The following DTNB variants were observed in gnomAD, a reference collection of about 807,000 sequenced individuals.
DTNB encodes the protein dystrobrevin beta.
DTNB carries 63 observed loss-of-function variants against 90.7 expected under a neutral mutation model. That is an observed-to-expected ratio of 0.69 (90% confidence interval 0.57 to 0.86). The LOEUF (loss-of-function observed/expected upper bound fraction) is 0.86, where lower values mean the gene tolerates loss of function less well. Among genes scored for constraint, DTNB ranks in the 40% least tolerant of loss-of-function variants. The pLI is 0.00. For missense variants in DTNB, 744 were observed against 807.1 expected, an observed-to-expected ratio of 0.92 and a Z score of 0.95; for synonymous variants, 277 against 286.7, an observed-to-expected ratio of 0.97 and a Z score of 0.34.
At chr2:25,440,111 A>G (rs2057024955) in intron 12 of DTNB, among the ~76,000 whole-genome samples, 2 of 152,216 alleles carry the variant, frequency 1.3e-5, no homozygotes, top group Admixed American at 1.3e-4. Flanking sequence ...AAAAAAAACT[A>G]AAGCTGAAGG....
intron 16 of DTNB, among the ~76,000 whole-genome samples, chr2:25,405,946 G>A (rs1451946574): frequency 6.6e-6 from 1 of 152,142 alleles, no homozygotes; most frequent in Non-Finnish European, 1.5e-5. Flanking sequence ...GACAGATAAT[G>A]GAGGCTGGAA....
At chr2:25,377,838 G>A (rs1217352452) in intron 20 of DTNB, among the ~76,000 whole-genome samples, 2 of 152,214 alleles carry the variant, frequency 1.3e-5, no homozygotes, top group African/African-American at 4.8e-5. Context: ...GAGGACTGAG[G>A]TGTGCCGATG....
intron 19 of DTNB, chr2:25,379,537 G>C: frequency 2.2e-6 from 1 of 446,282 alleles, no homozygotes; most frequent in Non-Finnish European, 3.7e-6. Context: ...CATGGAGACA[G>C]ATGCTTCTCA....
Position 25,652,630 on chromosome 2 carries a change from T to C in DTNB, c.31A>G (p.Thr11Ala). The C allele has an allele frequency of 6.2e-7, 1 of 1,612,778 alleles. No individual in the cohort carries two copies. The highest frequency in any genetic ancestry group is 8.5e-7 in the Non-Finnish European group (1 of 1,179,734). Residue 11 changes from threonine to alanine, a missense_variant, in exon 2 of 21, where the codon ACC (threonine) becomes GCC (alanine). By Grantham distance (58) the Thr-to-Ala change is moderately conservative (BLOSUM62 0). Coordinates refer to ENST00000406818, the MANE Select transcript of DTNB (RefSeq NM_021907.5). ...AACAGCTGCCTCTTCTCTGCCATGG[T>C]CTTCCGCTTGTTCCCACTTTCCTCA... MIEESGNKRK[T>A]MAEKRQLFIE... is the part of the protein sequence containing the mutation.
chr2:25,588,387 G>C (rs1012586392), intron 6 of DTNB, among the ~76,000 whole-genome samples: 21 of 147,550 alleles, frequency 1.4e-4, no homozygotes, highest in African/African-American at 5.2e-4. Context: ...TTTTTTTTGA[G>C]ACGGAGTCTC....
At chr2:25,398,050 A>T (rs1374705629) in intron 16 of DTNB, among the ~76,000 whole-genome samples, 1 of 152,224 alleles carries the variant, frequency 6.6e-6, no homozygotes, top group African/African-American at 2.4e-5. Flanking sequence ...CATAGGACCC[A>T]GGTGAACATC....
At chr2:25,629,513 A>T (rs2075217806) in intron 3 of DTNB, among the ~76,000 whole-genome samples, 1 of 152,234 alleles carries the variant, frequency 6.6e-6, no homozygotes, top group East Asian at 1.9e-4. Flanking sequence ...TAACCAAATT[A>T]TACGCTGTTT....
chr2:25,525,236 C>A (rs2150845698), intron 9 of DTNB, among the ~76,000 whole-genome samples: 1 of 152,180 alleles, frequency 6.6e-6, no homozygotes, highest in Admixed American at 6.5e-5. Context: ...AGTATAAAAT[C>A]ATGAATACCA....
intron 2 of DTNB, among the ~76,000 whole-genome samples, chr2:25,645,488 G>T (rs1374313614): frequency 6.6e-6 from 1 of 152,022 alleles, no homozygotes; most frequent in Non-Finnish European, 1.5e-5. Flanking sequence ...CCCAGGCATT[G>T]AAGTGCAGTT....
At chr2:25,425,616 A>G (rs2051291426) in intron 15 of DTNB, among the ~76,000 whole-genome samples, 1 of 152,146 alleles carries the variant, frequency 6.6e-6, no homozygotes, top group African/African-American at 2.4e-5. Flanking sequence ...TAAAACCTCC[A>G]ATGACTCCAC....
At chr2:25,447,012 C>G (rs1044215815) in intron 12 of DTNB, among the ~76,000 whole-genome samples, 1 of 152,194 alleles carries the variant, frequency 6.6e-6, no homozygotes, top group African/African-American at 2.4e-5. Flanking sequence ...TTTAACCCAT[C>G]CACCAAGTTT....
intron 1 of DTNB, among the ~76,000 whole-genome samples, chr2:25,662,427 T>C (rs1381621487): frequency 6.6e-6 from 1 of 152,056 alleles, no homozygotes; most frequent in Non-Finnish European, 1.5e-5. Flanking sequence ...AGAGAATACA[T>C]AAAAAATAAT....
chr2:25,603,140 C>T (rs1296817962), intron 5 of DTNB, among the ~76,000 whole-genome samples: 3 of 152,108 alleles, frequency 2.0e-5, no homozygotes, highest in Admixed American at 2.0e-4. Context: ...ATCTTTTGCT[C>T]CTTTTAGTGC....
intron 8 of DTNB, among the ~76,000 whole-genome samples, chr2:25,536,132 C>T (rs1452434056): frequency 1.3e-5 from 2 of 151,520 alleles, no homozygotes; most frequent in African/African-American, 4.9e-5. Flanking sequence ...GCACTCCTCA[C>T]ATCCCAGACG....
At chr2:25,536,429 A>C (rs2079778468) in intron 8 of DTNB, among the ~76,000 whole-genome samples, 1 of 152,106 alleles carries the variant, frequency 6.6e-6, no homozygotes, top group Non-Finnish European at 1.5e-5. Context: ...GCAATGAGTG[A>C]GTGAAACTCC....
intron 14 of DTNB, among the ~76,000 whole-genome samples, chr2:25,431,748 C>T (rs188501931): frequency 7.9e-4 from 120 of 152,280 alleles, no homozygotes; most frequent in African/African-American, 2.8e-3. Flanking sequence ...GTGCATCTTA[C>T]GCCAACAGCC....
At chr2:25,643,455 T>C (rs756895974) in intron 2 of DTNB, among the ~76,000 whole-genome samples, 5 of 152,222 alleles carry the variant, frequency 3.3e-5, no homozygotes, top group African/African-American at 4.8e-5. Flanking sequence ...GAAATAGTTA[T>C]TGAGTGAATA....
In DTNB at chr2:25,662,677, CACAA is replaced by C. The variant is rs370748462; in HGVS notation, c.-1-10020_-1-10017del. 2.4e-3 allele frequency among the ~76,000 whole-genome samples: 131 copies of C among 54,142 alleles called. 2 individuals are homozygous for C. The East Asian group carries it at 0.035, about 15-fold the overall frequency. 35.5% of individuals were successfully genotyped at this position (54,142 alleles called of 152,430 possible). ...ACACACACACACACACACACACACA[CACAA>C]ACACACACACACACACACACACACA... On this transcript the variant is annotated intron_variant, in intron 1 of 20. Transcript: ENST00000406818.
intron 4 of DTNB, among the ~76,000 whole-genome samples, chr2:25,621,123 C>G (rs528531552): frequency 6.6e-6 from 1 of 152,248 alleles, no homozygotes; most frequent in Admixed American, 6.5e-5. Flanking sequence ...TTCTTATGAT[C>G]CTGAATCCTT....
Sources: gnomAD v4.1 joint callset for allele counts (sites outside exome capture counted in the v4.1 genomes callset) on GRCh38, gnomAD v4.1.1 for gene constraint, MANE v1.5 for transcripts, NCBI Gene and HGNC (gene_info 2026-07-23, HGNC 2026-07-21) for gene names.